Variants in TMEM187 observed in about 807,000 individuals in gnomAD.
TMEM187 encodes transmembrane protein 187.
TMEM187 carries 14 observed loss-of-function variants against 11.8 expected under a neutral mutation model. The observed-to-expected ratio is 1.18, with a 90% CI of 0.78 to 1.85. The LOEUF (loss-of-function observed/expected upper bound fraction) is 1.85, where lower values mean the gene tolerates loss of function less well. TMEM187 is among the 40% of genes most tolerant of loss of function. TMEM187 has a pLI of 0.00. For missense variants in TMEM187, 227 were observed against 243.9 expected (o/e 0.93, Z 0.46); for synonymous variants, 112 against 118.5 (o/e 0.95, Z 0.36).
chrX:153,981,814 T>C, intron 1 of TMEM187, 36 bp from the exon 2 acceptor site: 1 of 490,976 alleles, frequency 2.0e-6, no homozygotes, highest in Non-Finnish European at 3.3e-6. Flanking sequence ...TGGGGACGGT[T>C]TGTTTTCTAA....
chrX:153,980,918 CAAAAA>C (rs376302517), intron 1 of TMEM187, among the ~76,000 whole-genome samples: 1 of 61,609 alleles, frequency 1.6e-5, no homozygotes, highest in Non-Finnish European at 3.2e-5. Context: ...GACTCCGTCT[CAAAAA>C]AAAAAAAAAA....
Position 153,981,865 on chromosome X carries a change from T to C in TMEM187, c.-198T>C. On this transcript the variant is annotated 5_prime_UTR_variant, in exon 2 of 2. Transcript: ENST00000369982. ...AACCACAAAGGAAAAAGGCAGAACG[T>C]TCCTCCGCTGGCGCCAGCCAATCAG... 1 of 685,673 alleles carries C rather than the reference T, an allele frequency of 1.5e-6. No homozygotes were observed. The highest frequency in any genetic ancestry group is 2.2e-6 in the Non-Finnish European group (1 of 463,008). The allele number at this position is 685,673 out of a possible 1,213,427, so 56.5% of individuals were successfully genotyped here. A position where few individuals can be genotyped will look rare whatever the true frequency, so the allele number is the denominator to read the frequency against.
Position 153,982,739 on chromosome X carries a change from A to T in TMEM187, c.677A>T (p.His226Leu), listed in dbSNP as rs1557122835. The T allele has an allele frequency of 8.2e-7, 1 of 1,212,136 alleles. No individual in the cohort carries two copies. The change falls in exon 2 of 2, where the codon CAC becomes CTC. Residue 226 changes from histidine to leucine, a missense_variant. Coordinates refer to ENST00000369982, the MANE Select transcript of TMEM187 (RefSeq NM_003492.3). ...CGTCTCTTCCAGTGCCTCACAGGCC[A>T]CTTCTGGTCCAAGGTCTGTGACGTG... The part of the protein sequence containing the change: ...RWRLFQCLTG[H>L]FWSKVCDVLQ...
chrX:153,978,569 CTTTTTTTTTTTTT>C lies in TMEM187; in HGVS notation c.-213-3268_-213-3256del, dbSNP rs781940360. Among the ~76,000 whole-genome samples the C allele has an allele frequency of 3.1e-3, 122 of 38,932 alleles. 1 individual carries two copies. The highest frequency in any genetic ancestry group is 0.015 in the African/African-American group (114 of 7,766). The allele number at this position is 38,932 out of a possible 115,157, so 33.8% of individuals were successfully genotyped here. A position where few individuals can be genotyped will look rare whatever the true frequency, so the allele number is the denominator to read the frequency against. ...AGACGTGAGCCACCACGCCTGGCCACTTTTTTTTTTTTTTTTTTTTTTTTTGGGGGGGAGAGGG... is the reference window on the plus strand; with the variant it reads ...AGACGTGAGCCACCACGCCTGGCCACTTTTTTTTTTTTGGGGGGGAGAGGG... On this transcript the variant is annotated intron_variant, in intron 1 of 1. Transcript: ENST00000369982.
chrX:153,973,213 C>A (rs1293429859), intron 1 of TMEM187, among the ~76,000 whole-genome samples: 2 of 112,961 alleles, frequency 1.8e-5, no homozygotes, highest in African/African-American at 6.4e-5. Context: ...AAGAAGCACA[C>A]GTCACCCTCT....
rs2065609113 is a variant in TMEM187 at position 153,982,552 on chromosome X, G to A, written c.490G>A (p.Glu164Lys). 1.2e-5 allele frequency: 14 copies of A among 1,208,822 alleles called. No homozygotes were observed. The highest frequency in any genetic ancestry group is 1.7e-5 in the African/African-American group (1 of 58,028). The change falls in exon 2 of 2, where the codon GAG becomes AAG. Residue 164 changes from glutamate to lysine, a missense_variant. Coordinates refer to ENST00000369982, the MANE Select transcript of TMEM187 (RefSeq NM_003492.3). The stretch of plus-strand genomic sequence containing the variant: ...CGCTCTGCTGCATCCCCAGGGCTTC[G>A]AGGTCGCACTGGGTGCTCACGTGGT... Reference protein sequence around the residue: ...GLALLHPQGFEVALGAHVVAA... With the variant: ...GLALLHPQGFKVALGAHVVAA...
At chrX:153,974,115 G>A (rs2065568136) in intron 1 of TMEM187, among the ~76,000 whole-genome samples, 1 of 112,032 alleles carries the variant, frequency 8.9e-6, no homozygotes, top group African/African-American at 3.3e-5. Context: ...TGGGGGTCTT[G>A]GACAGGTGCT....
chrX:153,976,568 T>TA (rs1347718241), intron 1 of TMEM187, among the ~76,000 whole-genome samples: 1 of 107,440 alleles, frequency 9.3e-6, no homozygotes, highest in Non-Finnish European at 1.9e-5. Flanking sequence ...ATAAAAAAAA[T>TA]AAAAAACTAT....
chrX:153,978,677 G>A (rs1248277856), intron 1 of TMEM187, among the ~76,000 whole-genome samples: 2 of 100,135 alleles, frequency 2.0e-5, no homozygotes, highest in African/African-American at 3.7e-5. Context: ...TCCGCCTCCC[G>A]GGCTCAAGCG....
At chrX:153,974,839 C>G (rs1334253064) in intron 1 of TMEM187, among the ~76,000 whole-genome samples, 1 of 112,516 alleles carries the variant, frequency 8.9e-6, no homozygotes, top group Non-Finnish European at 1.9e-5. Context: ...TGGTGGCCCT[C>G]CTCAGCAACG....
intron 1 of TMEM187, among the ~76,000 whole-genome samples, chrX:153,981,476 C>T (rs149908731): frequency 2.1e-3 from 232 of 111,851 alleles, no homozygotes; most frequent in African/African-American, 7.1e-3. Flanking sequence ...GGCCAGAGCT[C>T]GGACTCCATC....
Position 153,978,763 on chromosome X carries a change from TTTTGTTTTG to T in TMEM187, c.-213-3083_-213-3075del, listed in dbSNP as rs1557121896. On this transcript the variant is annotated intron_variant, in intron 1 of 1. Coordinates refer to ENST00000369982, the MANE Select transcript of TMEM187 (RefSeq NM_003492.3). ...CACACCTGGCTAATTTTTTGTTTTG[TTTTGTTTTG>T]TTTTGTTTTGTTTTGTTTTGTTTTG... 8.0e-4 allele frequency among the ~76,000 whole-genome samples: 72 copies of T among 89,931 alleles called. 1 individual carries two copies. The highest frequency in any genetic ancestry group is 3.8e-3 in the African/African-American group (68 of 17,910). The allele number at this position is 89,931 out of a possible 115,157, so 78.1% of individuals were successfully genotyped here. A position where few individuals can be genotyped will look rare whatever the true frequency, so the allele number is the denominator to read the frequency against.
intron 1 of TMEM187, among the ~76,000 whole-genome samples, chrX:153,980,085 G>A (rs1214924285): frequency 9.3e-6 from 1 of 107,634 alleles, no homozygotes; most frequent in Non-Finnish European, 1.9e-5. Flanking sequence ...CGCTGTGGTA[G>A]GGAGGCTGAG....
Position 153,982,601 on chromosome X carries a change from G to A in TMEM187, c.539G>A (p.Arg180His), listed in dbSNP as rs141589321. ...HVVAAVGQAL[R>H]THRHYGSTTS... is the part of the protein sequence containing the mutation. ...GTGGCCGCTGTGGGGCAGGCGCTGCGCACCCACAGGCACTATGGCAGCACC... is the reference window on the plus strand; with the variant it reads ...GTGGCCGCTGTGGGGCAGGCGCTGCACACCCACAGGCACTATGGCAGCACC... The change falls in exon 2 of 2, where the codon CGC becomes CAC. Residue 180 changes from arginine to histidine, a missense_variant. Coordinates refer to ENST00000369982, the MANE Select transcript of TMEM187 (RefSeq NM_003492.3). 36 of 1,210,466 alleles carry A rather than the reference G, an allele frequency of 3.0e-5. No homozygotes were observed. Among genetic ancestry groups the A allele is most frequent in the Middle Eastern group, 2.3e-4 (1 of 4,290 alleles).
Position 153,982,332 on chromosome X carries a change from A to G in TMEM187, c.270A>G (p.Ala90=). Residue 90 remains alanine (A), a synonymous_variant, in exon 2 of 2, where the codon GCA becomes GCG. Coordinates refer to ENST00000369982, the MANE Select transcript of TMEM187 (RefSeq NM_003492.3). ...LGPRYLKDVF[A]AMALLYGPVQ... ...CCCGCTACCTGAAGGACGTGTTCGC[A>G]GCCATGGCCCTGCTCTATGGCCCCG... 1 of 1,209,239 alleles carries G rather than the reference A, an allele frequency of 8.3e-7. No individual in the cohort carries two copies.
chrX:153,974,690 G>A (rs1557121205), intron 1 of TMEM187, among the ~76,000 whole-genome samples: 1 of 112,349 alleles, frequency 8.9e-6, no homozygotes. Context: ...GGGAGGACGG[G>A]GCAGGAGGAG....
In TMEM187 at chrX:153,982,546, G is replaced by T. The variant is rs376023929; in HGVS notation, c.484G>T (p.Gly162Cys). 8.3e-7 allele frequency: 1 copy of T among 1,207,180 alleles called. No homozygotes were observed. The highest frequency in any genetic ancestry group is 1.7e-5 in the African/African-American group (1 of 57,616). Residue 162 changes from glycine (G) to cysteine (C), a missense_variant, in exon 2 of 2, where the codon GGC becomes TGC. Transcript: ENST00000369982. ...TGGCCTCGCTCTGCTGCATCCCCAG[G>T]GCTTCGAGGTCGCACTGGGTGCTCA... is the stretch of plus-strand genomic sequence containing the variant. ...SYGLALLHPQ[G>C]FEVALGAHVV...
At chrX:153,980,354 C>T (rs1190249092) in intron 1 of TMEM187, among the ~76,000 whole-genome samples, 3 of 110,649 alleles carry the variant, frequency 2.7e-5, no homozygotes, top group Admixed American at 1.9e-4. Flanking sequence ...GCAAGACCCC[C>T]GTGTCTAAAT....
chrX:153,978,308 G>A (rs192483749), intron 1 of TMEM187, among the ~76,000 whole-genome samples: 3,490 of 104,508 alleles, frequency 0.033, 156 homozygotes, highest in African/African-American at 0.12. Flanking sequence ...TCATTCTGTC[G>A]CCCAGGCTGG....
Sources: gnomAD v4.1 joint callset for allele counts (sites outside exome capture counted in the v4.1 genomes callset) on GRCh38, gnomAD v4.1.1 for gene constraint, MANE v1.5 for transcripts, NCBI Gene and HGNC (gene_info 2026-07-23, HGNC 2026-07-21) for gene names.